CCDC178: variants seen among roughly 807,000 people sequenced by gnomAD.
CCDC178 encodes coiled-coil domain containing 178, also known as coiled-coil domain-containing protein 178.
CCDC178 carries 126 observed loss-of-function variants against 117.4 expected under a neutral mutation model. The observed-to-expected ratio is 1.07, with a 90% confidence interval of 0.93 to 1.24. The LOEUF is 1.24. Among genes scored for constraint, CCDC178 ranks in the 50% most tolerant of loss-of-function variants. CCDC178 has a pLI of 0.00. For missense variants in CCDC178, 1,030 were observed against 986.9 expected (o/e 1.04, Z -0.59); for synonymous variants, 283 against 313.4 (o/e 0.90, Z 1.02).
At chr18:33,430,731 A>G (rs551181230) in intron 2 of CCDC178, among the ~76,000 whole-genome samples, 56 of 152,302 alleles carry the variant, frequency 3.7e-4, no homozygotes, top group African/African-American at 1.3e-3. Context: ...TGCAAAACAT[A>G]GTCTAACCTG....
At chr18:32,964,141 A>C (rs1598737228) in intron 22 of CCDC178, among the ~76,000 whole-genome samples, 1 of 152,060 alleles carries the variant, frequency 6.6e-6, no homozygotes, top group East Asian at 1.9e-4. Flanking sequence ...GAATTTTCTG[A>C]CTCTAACTTT....
chr18:33,245,473 G>A, intron 14 of CCDC178, 45 bp from the exon 15 acceptor site: 1 of 1,308,968 alleles, frequency 7.6e-7, no homozygotes. Context: ...TATATAGTGA[G>A]ACAAACATAT....
intron 7 of CCDC178, among the ~76,000 whole-genome samples, chr18:33,353,231 T>A (rs1353602209): frequency 6.6e-6 from 1 of 152,120 alleles, no homozygotes; most frequent in Non-Finnish European, 1.5e-5. Flanking sequence ...TCCAGCTCTC[T>A]TTTACTTACT....
intron 21 of CCDC178, among the ~76,000 whole-genome samples, chr18:33,056,496 A>G (rs1392115442): frequency 1.3e-5 from 2 of 152,178 alleles, no homozygotes; most frequent in African/African-American, 4.8e-5. Context: ...ATTAAAAATG[A>G]TTTTTTATGG....
intron 22 of CCDC178, among the ~76,000 whole-genome samples, chr18:32,968,657 G>A (rs2054866064): frequency 6.6e-6 from 1 of 151,894 alleles, no homozygotes; most frequent in Non-Finnish European, 1.5e-5. Flanking sequence ...TTAAATTATA[G>A]GCAACTATAA....
chr18:33,387,890 A>G (rs1020421479), intron 5 of CCDC178, among the ~76,000 whole-genome samples: 4 of 152,262 alleles, frequency 2.6e-5, no homozygotes, highest in Non-Finnish European at 5.9e-5. Flanking sequence ...GAGCTTCTGC[A>G]TAGCAAAAGA....
intron 2 of CCDC178, among the ~76,000 whole-genome samples, chr18:33,433,434 T>C (rs544295887): frequency 1.3e-5 from 2 of 152,166 alleles, no homozygotes; most frequent in Non-Finnish European, 2.9e-5. Flanking sequence ...GGTCATGAGT[T>C]TTCTTTTCCT....
chr18:32,999,228 G>A (rs1046812372), intron 21 of CCDC178, among the ~76,000 whole-genome samples: 1 of 152,134 alleles, frequency 6.6e-6, no homozygotes, highest in African/African-American at 2.4e-5. Flanking sequence ...GTGCAGTGGT[G>A]GCCAAAGGGA....
At chr18:33,133,600 G>T (rs571019725) in intron 20 of CCDC178, among the ~76,000 whole-genome samples, 1 of 151,698 alleles carries the variant, frequency 6.6e-6, no homozygotes, top group Non-Finnish European at 1.5e-5. Context: ...ATATTTCAAC[G>T]ATTAGAGAGT....
chr18:33,246,139 A>G (rs543065412), intron 14 of CCDC178, among the ~76,000 whole-genome samples: 42 of 152,042 alleles, frequency 2.8e-4, no homozygotes, highest in Non-Finnish European at 4.7e-4. Flanking sequence ...ATAATATACA[A>G]TAAATCTGGG....
At chr18:32,987,844 T>A (rs1454750739) in intron 21 of CCDC178, among the ~76,000 whole-genome samples, 1 of 152,080 alleles carries the variant, frequency 6.6e-6, no homozygotes, top group Non-Finnish European at 1.5e-5. Context: ...ACGCCTGTAA[T>A]CCCAGCACTT....
intron 5 of CCDC178, among the ~76,000 whole-genome samples, chr18:33,385,344 C>T (rs189943142): frequency 6.6e-6 from 1 of 152,258 alleles, no homozygotes; most frequent in Admixed American, 6.5e-5. Context: ...AGGACTTGAA[C>T]TCAGCTCTAG....
At chr18:33,089,506 G>A (rs995080700) in intron 21 of CCDC178, among the ~76,000 whole-genome samples, 8 of 152,106 alleles carry the variant, frequency 5.3e-5, no homozygotes, top group African/African-American at 7.2e-5. Context: ...TATTTGTTAC[G>A]TGTTGGCTGA....
At chr18:33,062,324 T>A (rs958840364) in intron 21 of CCDC178, among the ~76,000 whole-genome samples, 1 of 152,020 alleles carries the variant, frequency 6.6e-6, no homozygotes, top group African/African-American at 2.4e-5. Flanking sequence ...GAGAAAAAAA[T>A]TGGTTAAACT....
chr18:32,981,237 CA>C (rs1203207930), intron 21 of CCDC178, among the ~76,000 whole-genome samples: 1 of 151,724 alleles, frequency 6.6e-6, no homozygotes, highest in Non-Finnish European at 1.5e-5. Flanking sequence ...GTTAGAGAAA[CA>C]AAAAAATCTT....
intron 5 of CCDC178, among the ~76,000 whole-genome samples, chr18:33,380,937 A>G (rs1318884831): frequency 6.6e-6 from 1 of 151,798 alleles, no homozygotes; most frequent in Non-Finnish European, 1.5e-5. Flanking sequence ...ACATCGAGGC[A>G]CGTCTACTAT....
chr18:33,237,756 A>G (rs57358360), intron 15 of CCDC178, among the ~76,000 whole-genome samples: 23,775 of 151,952 alleles, frequency 0.16, 2,513 homozygotes, highest in African/African-American at 0.31. Flanking sequence ...GTGGCTGTGA[A>G]CCTGGTCCCA....
intron 21 of CCDC178, among the ~76,000 whole-genome samples, chr18:33,034,510 T>G (rs965700198): frequency 3.3e-5 from 5 of 152,042 alleles, no homozygotes; most frequent in Non-Finnish European, 5.9e-5. Flanking sequence ...TGTTTGACCT[T>G]TATATTTGCT....
chr18:33,365,697 TC>T (rs781255135), intron 6 of CCDC178, among the ~76,000 whole-genome samples: 22 of 152,220 alleles, frequency 1.4e-4, no homozygotes, highest in South Asian at 4.1e-4. Flanking sequence ...TCTGTGTTAT[TC>T]TTTTAAGTTA....
Sources: allele counts gnomAD v4.1 joint callset (sites outside exome capture counted in the v4.1 genomes callset), GRCh38; gene constraint gnomAD v4.1.1; transcripts MANE v1.5; gene names NCBI Gene and HGNC (gene_info 2026-07-23, HGNC 2026-07-21).